The following LAMB1 variants were observed in gnomAD, a reference collection of about 807,000 sequenced individuals.
LAMB1 encodes the protein laminin subunit beta-1.
In LAMB1, 121 loss-of-function variants were observed where a neutral mutation model predicts 222.3. That is an observed-to-expected ratio of 0.54 (90% CI 0.47 to 0.63). The LOEUF is 0.63. Ranked by LOEUF, LAMB1 falls within the 30% of genes least tolerant of loss-of-function variation. The pLI is 0.00. For missense variants in LAMB1, 2,172 were observed against 2,240.8 expected (o/e 0.97, Z 0.62); for synonymous variants, 794 against 807.2 (o/e 0.98, Z 0.28).
chr7:107,961,393 A>C, intron 16 of LAMB1, 64 bp from the exon 17 acceptor site: 2 of 1,596,010 alleles, frequency 1.3e-6, no homozygotes, highest in Non-Finnish European at 1.7e-6. Context: ...AAAAAATAAA[A>C]ATTAAAAACA....
chr7:107,967,692 T>C (rs2033662364), intron 13 of LAMB1, among the ~76,000 whole-genome samples: 1 of 152,142 alleles, frequency 6.6e-6, no homozygotes. Flanking sequence ...TGAACTTTGT[T>C]CTGAATGAAT....
Position 107,935,113 on chromosome 7 carries a change from G to A in LAMB1, c.4188+302C>T, listed in dbSNP as rs12112612. On this transcript the variant is annotated intron_variant, in intron 27 of 33. Transcript: ENST00000222399. ...GTAAAAAGGATCAAGTTTCAGTGCG[G>A]TGTCACTGAGTAGCTAAAACAGTAT... 0.059 allele frequency among the ~76,000 whole-genome samples: 8,958 copies of A among 151,858 alleles called. 825 individuals carry two copies. The highest frequency in any genetic ancestry group is 0.2 in the African/African-American group (8,452 of 41,348).
chr7:107,986,077 A>T lies in LAMB1; in HGVS notation c.621T>A (p.Phe207Leu). 1 of 1,612,710 alleles carries T rather than the reference A, an allele frequency of 6.2e-7. No individual in the cohort carries two copies. The highest frequency in any genetic ancestry group is 8.5e-7 in the Non-Finnish European group (1 of 1,178,672). The change falls in exon 7 of 34, where the codon TTT becomes TTA. Residue 207 changes from phenylalanine (F) to leucine (L), a missense_variant. Transcript: ENST00000222399. ...IEPSTEGEVI[F>L]RALDPAFKIE... ...TTTTGAAAGCAGGATCTAAAGCACG[A>T]AATATCACCTAAAAATGGAAACAAG...
At chr7:107,961,732 A>G in intron 15 of LAMB1, 56 bp from the exon 16 acceptor site, 1 of 1,568,250 alleles carries the variant, frequency 6.4e-7, no homozygotes, top group Non-Finnish European at 8.7e-7. Flanking sequence ...CCTGTTTATA[A>G]AAAGACCTCT....
At position 107,978,455 on chromosome 7, in the gene LAMB1, T is replaced by TAA. The variant is rs11350102; in HGVS notation, c.880-290_880-289dup. Among the ~76,000 whole-genome samples, 234 of 126,370 alleles carry TAA rather than the reference T, an allele frequency of 1.9e-3. 7 individuals carry two copies. In the East Asian group the frequency reaches 0.049, roughly 27 times the overall value. 82.9% of individuals were successfully genotyped at this position (126,370 alleles called of 152,430 possible). A position where few individuals can be genotyped will look rare whatever the true frequency, so the allele number is the denominator to read the frequency against. ...CCAGATGAAGAAAATTACTTAAAAT[T>TAA]AAAAAAAAAAAAAAAAACTAGTTAC... is the stretch of plus-strand genomic sequence containing the variant. On this transcript the variant is annotated intron_variant, in intron 8 of 33. Coordinates refer to ENST00000222399, the MANE Select transcript of LAMB1 (RefSeq NM_002291.3).
intron 13 of LAMB1, among the ~76,000 whole-genome samples, chr7:107,968,699 G>C (rs754931695): frequency 2.6e-5 from 4 of 152,116 alleles, no homozygotes; most frequent in Non-Finnish European, 4.4e-5. Flanking sequence ...ATAGCCCTTA[G>C]ATGACAGCCA....
chr7:107,999,530 C>T (rs567267902), intron 3 of LAMB1, among the ~76,000 whole-genome samples: 1 of 152,232 alleles, frequency 6.6e-6, no homozygotes, highest in South Asian at 2.1e-4. Flanking sequence ...TTAGTTATTA[C>T]CTTCTTCTCA....
rs112819389 is a variant in LAMB1 at position 108,001,761 on chromosome 7, G to T, written c.38-28C>A. 849 of 1,610,586 alleles carry T rather than the reference G, an allele frequency of 5.3e-4. 6 individuals carry two copies. In the African/African-American group the frequency reaches 9.8e-3, roughly 19 times the overall value. On this transcript the variant is annotated intron_variant, in intron 2 of 33. Coordinates refer to ENST00000222399, the MANE Select transcript of LAMB1 (RefSeq NM_002291.3). ...GCGGGAAGGACAGGCAACAGAGTTG[G>T]GGGGACACAAGCAGGGAGTGGAGCC...
At chr7:107,943,804 A>C (rs1332544166) in intron 24 of LAMB1, among the ~76,000 whole-genome samples, 2 of 152,168 alleles carry the variant, frequency 1.3e-5, no homozygotes, top group South Asian at 2.1e-4. Flanking sequence ...AGAGAAAAAA[A>C]GAGAGCATGT....
Position 107,975,467 on chromosome 7 carries a change from T to C in LAMB1, c.1190-54A>G, listed in dbSNP as rs567676651. 1.1e-4 allele frequency: 158 copies of C among 1,481,528 alleles called. No individual in the cohort carries two copies. The African/African-American group carries it at 2.0e-3, about 19-fold the overall frequency. The allele number at this position is 1,481,528 out of a possible 1,614,324, so 91.8% of individuals were successfully genotyped here. A position where few individuals can be genotyped will look rare whatever the true frequency, so the allele number is the denominator to read the frequency against. ...AATCAGGAGGAAACTCAATGTATCTTTGTATAAATACATATATTCCCTTCC... is the reference window on the plus strand; with the variant it reads ...AATCAGGAGGAAACTCAATGTATCTCTGTATAAATACATATATTCCCTTCC... On this transcript the variant is annotated intron_variant, in intron 10 of 33. Transcript: ENST00000222399.
At chr7:107,926,993 A>G (rs887255992) in intron 31 of LAMB1, among the ~76,000 whole-genome samples, 10 of 152,208 alleles carry the variant, frequency 6.6e-5, no homozygotes, top group African/African-American at 2.2e-4. Context: ...ATCAATAAAC[A>G]TTGACTTTTA....
At chr7:108,002,222 T>TGCGTGC in intron 2 of LAMB1, 1 of 1,341,178 alleles carries the variant, frequency 7.5e-7, no homozygotes, top group Non-Finnish European at 9.9e-7. Context: ...AGAGTGCGTG[T>TGCGTGC]GCGTGCACGC....
Position 107,935,347 on chromosome 7 carries a change from G to GTTTTTTTTTTTTTTTTTTTT in LAMB1, c.4188+48_4188+67dup, listed in dbSNP as rs200599445. On this transcript the variant is annotated intron_variant, in intron 27 of 33. Coordinates refer to ENST00000222399, the MANE Select transcript of LAMB1 (RefSeq NM_002291.3). Reference sequence around the variant, plus strand: ...GACAAAAGATGGTTTGTTTTTCTTTGTTTTTTTTTTTTTTTTTTTTTTTTT... The same window carrying GTTTTTTTTTTTTTTTTTTTT: ...GACAAAAGATGGTTTGTTTTTCTTTGTTTTTTTTTTTTTTTTTTTTTTTTTTTTTTTTTTTTTTTTTTTTT... 9 of 1,173,272 alleles carry GTTTTTTTTTTTTTTTTTTTT rather than the reference G, an allele frequency of 7.7e-6. 2 individuals are homozygous for GTTTTTTTTTTTTTTTTTTTT. The African/African-American group carries it at 1.4e-4, about 19-fold the overall frequency. The allele number at this position is 1,173,272 out of a possible 1,614,324, so 72.7% of individuals were successfully genotyped here. A position where few individuals can be genotyped will look rare whatever the true frequency, so the allele number is the denominator to read the frequency against.
intron 4 of LAMB1, among the ~76,000 whole-genome samples, chr7:107,997,537 T>C (rs1265486218): frequency 6.6e-6 from 1 of 152,226 alleles, no homozygotes. Flanking sequence ...CCAGGTGTAC[T>C]GCATAGAATA....
intron 9 of LAMB1, 110 bp downstream of exon 9, chr7:107,977,933 AAGAC>A (rs1409201995): frequency 2.5e-6 from 3 of 1,196,780 alleles, no homozygotes; most frequent in East Asian, 2.3e-5. Context: ...AGCTGGAAAA[AAGAC>A]AGTAACTTTT....
chr7:107,936,248 G>GA (rs1387866676), intron 26 of LAMB1: 1 of 152,104 alleles, frequency 6.6e-6, no homozygotes, highest in Non-Finnish European at 1.5e-5. Flanking sequence ...GGGAAAAAAA[G>GA]AAAAAAGTAA....
intron 8 of LAMB1, among the ~76,000 whole-genome samples, chr7:107,978,904 T>C (rs571625239): frequency 1.4e-4 from 21 of 152,344 alleles, no homozygotes; most frequent in Non-Finnish European, 2.9e-4. Flanking sequence ...CCACTAAATA[T>C]GCATGTATAT....
intron 7 of LAMB1, among the ~76,000 whole-genome samples, chr7:107,983,665 G>A (rs1002783788): frequency 6.8e-6 from 1 of 146,498 alleles, no homozygotes; most frequent in African/African-American, 2.5e-5. Context: ...CGACAGGCAC[G>A]CACCACCATA....
chr7:107,959,645 TGA>T, intron 19 of LAMB1, 44 bp downstream of exon 19: 1 of 1,614,170 alleles, frequency 6.2e-7, no homozygotes, highest in Non-Finnish European at 8.5e-7. Context: ...CCACAATGGC[TGA>T]GTTAATCTGA....
Sources: allele counts gnomAD v4.1 joint callset (sites outside exome capture counted in the v4.1 genomes callset), GRCh38; gene constraint gnomAD v4.1.1; transcripts MANE v1.5; gene names NCBI Gene and HGNC (gene_info 2026-07-23, HGNC 2026-07-21).